YWHAG: variants seen among roughly 807,000 people sequenced by gnomAD.
The protein encoded by YWHAG is tyrosine 3-monooxygenase/tryptophan 5-monooxygenase activation protein gamma.
YWHAG carries 1 observed loss-of-function variant against 23.3 expected under a neutral mutation model. The ratio of observed to expected loss-of-function variants is 0.04; its 90% CI spans 0.02 to 0.20. The LOEUF is 0.20. YWHAG is among the 10% of genes least tolerant of loss of function. The pLI is 1.00. For synonymous variants in YWHAG, 160 were observed against 144.0 expected (o/e 1.11, Z -0.80); for missense variants, 151 against 338.6 (o/e 0.45, Z 4.35).
intron 1 of YWHAG, among the ~76,000 whole-genome samples, chr7:76,337,186 C>T (rs1235938043): frequency 5.3e-5 from 8 of 152,202 alleles, no homozygotes; most frequent in Non-Finnish European, 7.3e-5. Flanking sequence ...GCTTACAAGG[C>T]TGGTCTCTGG....
intron 1 of YWHAG, among the ~76,000 whole-genome samples, chr7:76,343,407 T>C (rs1000413621): frequency 6.6e-6 from 1 of 152,150 alleles, no homozygotes; most frequent in Admixed American, 6.5e-5. Flanking sequence ...CTCTGCTTCT[T>C]CACATTAATA....
At chr7:76,347,244 C>CA (rs1803791816) in intron 1 of YWHAG, among the ~76,000 whole-genome samples, 1 of 152,188 alleles carries the variant, frequency 6.6e-6, no homozygotes, top group South Asian at 2.1e-4. Flanking sequence ...TAGATCAGTG[C>CA]ATTTATTTCT....
At chr7:76,345,318 T>A (rs1803761967) in intron 1 of YWHAG, among the ~76,000 whole-genome samples, 1 of 151,524 alleles carries the variant, frequency 6.6e-6, no homozygotes, top group Admixed American at 6.6e-5. Flanking sequence ...CCCGAGCAGC[T>A]GGGACTACAG....
intron 1 of YWHAG, among the ~76,000 whole-genome samples, chr7:76,348,661 C>T (rs1353775982): frequency 6.6e-6 from 1 of 152,034 alleles, no homozygotes; most frequent in Admixed American, 6.6e-5. Context: ...ACCTCAGCCT[C>T]CCAAAGTGCT....
intron 1 of YWHAG, among the ~76,000 whole-genome samples, chr7:76,343,120 G>C (rs1282760558): frequency 6.6e-6 from 1 of 152,128 alleles, no homozygotes; most frequent in Admixed American, 6.5e-5. Flanking sequence ...CTGGGTGACA[G>C]AGCAAGACTC....
chr7:76,358,872 G>A lies in YWHAG; in HGVS notation c.-64C>T. ...ACTGGGGCGGCCTGAAGGGCTTGGA[G>A]GGCGCGACTGGAGCCCAAGTGCCGG... On this transcript the variant is annotated 5_prime_UTR_variant, in exon 1 of 2. Coordinates refer to ENST00000307630, the MANE Select transcript of YWHAG (RefSeq NM_012479.4). The A allele has an allele frequency of 2.0e-6, 3 of 1,472,994 alleles. No individual in the cohort carries two copies. The highest frequency in any genetic ancestry group is 2.8e-6 in the Non-Finnish European group (3 of 1,090,864). The allele number at this position is 1,472,994 out of a possible 1,614,324, so 91.2% of individuals were successfully genotyped here. A position where few individuals can be genotyped will look rare whatever the true frequency, so the allele number is the denominator to read the frequency against.
At chr7:76,331,849 A>T (rs937798133) in intron 1 of YWHAG, among the ~76,000 whole-genome samples, 11 of 152,074 alleles carry the variant, frequency 7.2e-5, no homozygotes, top group African/African-American at 2.7e-4. Flanking sequence ...AAAAAAAAAA[A>T]ATTTTTTTTC....
At chr7:76,355,028 T>C (rs1563668998) in intron 1 of YWHAG, among the ~76,000 whole-genome samples, 1 of 152,214 alleles carries the variant, frequency 6.6e-6, no homozygotes, top group African/African-American at 2.4e-5. Context: ...TTGTGGGCAC[T>C]CCATTATCGA....
intron 1 of YWHAG, among the ~76,000 whole-genome samples, chr7:76,355,001 T>C (rs982202401): frequency 6.6e-6 from 1 of 152,252 alleles, no homozygotes; most frequent in Non-Finnish European, 1.5e-5. Flanking sequence ...TAGACAATTA[T>C]CGCTGGCTGT....
chr7:76,347,534 T>C (rs1281968900), intron 1 of YWHAG, among the ~76,000 whole-genome samples: 1 of 151,996 alleles, frequency 6.6e-6, no homozygotes, highest in Non-Finnish European at 1.5e-5. Flanking sequence ...TGCAGTGAGC[T>C]GAGATCGTGC....
In YWHAG at chr7:76,330,188, G is replaced by A; in HGVS notation, c.133C>T (p.Leu45=). 6.2e-7 allele frequency: 1 copy of A among 1,612,134 alleles called. No individual in the cohort carries two copies. The highest frequency in any genetic ancestry group is 1.1e-5 in the South Asian group (1 of 90,982). The change falls in exon 2 of 2, where the codon CTG becomes TTG. Residue 45 remains leucine, a synonymous_variant. Transcript: ENST00000307630. ...EPLSNEERNL[L]SVAYKNVVGA... ...ACAACGTTCTTGTAGGCCACAGACAGAAGGTTTCGTTCCTCATTCGACAGT... is the reference window on the plus strand; with the variant it reads ...ACAACGTTCTTGTAGGCCACAGACAAAAGGTTTCGTTCCTCATTCGACAGT...
intron 1 of YWHAG, among the ~76,000 whole-genome samples, chr7:76,354,017 G>A (rs1027972646): frequency 7.0e-6 from 1 of 143,724 alleles, no homozygotes; most frequent in Non-Finnish European, 1.5e-5. Flanking sequence ...AGGCTGCAGT[G>A]AGCCATGCTC....
intron 1 of YWHAG, among the ~76,000 whole-genome samples, chr7:76,334,413 A>C (rs1251528075): frequency 6.6e-6 from 1 of 152,138 alleles, no homozygotes; most frequent in Non-Finnish European, 1.5e-5. Context: ...ATTTTTCAAA[A>C]CAGTCATTAA....
At chr7:76,351,764 G>T (rs1803877627) in intron 1 of YWHAG, among the ~76,000 whole-genome samples, 1 of 152,140 alleles carries the variant, frequency 6.6e-6, no homozygotes, top group African/African-American at 2.4e-5. Context: ...CAAGCTCAGG[G>T]CTCCCACTGA....
intron 1 of YWHAG, among the ~76,000 whole-genome samples, chr7:76,341,285 T>C (rs769960498): frequency 1.7e-4 from 26 of 151,356 alleles, no homozygotes; most frequent in Non-Finnish European, 3.7e-4. Context: ...GCACCTGTAA[T>C]CCCAGCTACT....
Position 76,329,858 on chromosome 7 carries a change from T to C in YWHAG, c.463A>G (p.Ser155Gly). The change falls in exon 2 of 2, where the codon AGC becomes GGC. Residue 155 changes from serine (S) to glycine (G), a missense_variant. Ser to Gly is a moderately conservative substitution (Grantham distance 56, BLOSUM62 0). Coordinates refer to ENST00000307630, the MANE Select transcript of YWHAG (RefSeq NM_012479.4). The surrounding 1 kb of genome is among the most constrained non-coding windows in gnomAD (Gnocchi z 6.1). Reference sequence around the variant, plus strand: ...TCTTTGCTGATCTCGTGGGCTTCGCTGTAGGCCTTCTCGGAGGACTCCACC... The same window carrying C: ...TCTTTGCTGATCTCGTGGGCTTCGCCGTAGGCCTTCTCGGAGGACTCCACC... ...TVVESSEKAY[S>G]EAHEISKEHM... 3 of 1,613,934 alleles carry C rather than the reference T, an allele frequency of 1.9e-6. No individual in the cohort carries two copies. The highest frequency in any genetic ancestry group is 2.5e-6 in the Non-Finnish European group (3 of 1,179,972).
intron 1 of YWHAG, among the ~76,000 whole-genome samples, chr7:76,353,786 G>T (rs180901423): frequency 5.3e-5 from 8 of 151,982 alleles, no homozygotes; most frequent in African/African-American, 1.7e-4. Context: ...ATTATAGACC[G>T]GGCTGGGTGT....
Position 76,327,977 on chromosome 7 carries a change from G to C in YWHAG, c.*1600C>G, listed in dbSNP as rs554569680. Reference sequence around the variant, plus strand: ...AATTTTGGTATTAGCAAAAGCATCTGTCAGTTTTTCCTCAATTACTCACAC... The same window carrying C: ...AATTTTGGTATTAGCAAAAGCATCTCTCAGTTTTTCCTCAATTACTCACAC... On this transcript the variant is annotated 3_prime_UTR_variant, in exon 2 of 2. Transcript: ENST00000307630. The C allele has an allele frequency of 6.6e-6, 1 of 152,028 alleles. No homozygotes were observed. Among genetic ancestry groups the C allele is most frequent in the Admixed American group, 6.6e-5 (1 of 15,222 alleles). 9.4% of individuals were successfully genotyped at this position (152,028 alleles called of 1,614,324 possible). A position where few individuals can be genotyped will look rare whatever the true frequency, so the allele number is the denominator to read the frequency against.
chr7:76,344,813 A>T (rs1455214329), intron 1 of YWHAG, among the ~76,000 whole-genome samples: 1 of 152,194 alleles, frequency 6.6e-6, no homozygotes, highest in Non-Finnish European at 1.5e-5. Context: ...TTTTAAAGTC[A>T]AACTCTTGTA....
Sources: gnomAD v4.1 joint callset for allele counts (sites outside exome capture counted in the v4.1 genomes callset) on GRCh38, gnomAD v4.1.1 for gene constraint, Gnocchi (gnomAD v3.1) non-coding constraint, MANE v1.5 for transcripts, NCBI Gene and HGNC (gene_info 2026-07-23, HGNC 2026-07-21) for gene names.